Variants in DYSF observed in about 807,000 individuals in gnomAD.
DYSF encodes dysferlin, also known as dystrophy-associated fer-1-like 1.
DYSF carries 212 observed loss-of-function variants against 274.9 expected under a neutral mutation model. The ratio of observed to expected loss-of-function variants is 0.77; its 90% CI spans 0.69 to 0.86. The LOEUF is 0.86. Ranked by LOEUF, DYSF falls within the 40% of genes least tolerant of loss-of-function variation. DYSF has a pLI of 0.00. For missense variants in DYSF, 2,666 were observed against 2,783.2 expected (o/e 0.96, Z 0.95); for synonymous variants, 1,091 against 1,078.7 (o/e 1.01, Z -0.22).
At chr2:71,662,905 C>A (rs55952219) in intron 45 of DYSF, among the ~76,000 whole-genome samples, 3 of 24,102 alleles carry the variant, frequency 1.2e-4, no homozygotes, top group African/African-American at 2.6e-4. Flanking sequence ...CATTTGTGTG[C>A]CTGTGTGTGT....
chr2:71,642,996 G>T (rs2094509952), intron 41 of DYSF, among the ~76,000 whole-genome samples: 1 of 152,184 alleles, frequency 6.6e-6, no homozygotes, highest in Non-Finnish European at 1.5e-5. Context: ...CGTGTCCTTG[G>T]CCCTTCCCAC....
At chr2:71,535,505 G>A (rs965161497) in intron 16 of DYSF, among the ~76,000 whole-genome samples, 194 bp downstream of exon 16, 2 of 152,044 alleles carry the variant, frequency 1.3e-5, no homozygotes, top group Non-Finnish European at 2.9e-5. Flanking sequence ...CCTGCTTGTT[G>A]GGAGGTAGGC....
intron 1 of DYSF, among the ~76,000 whole-genome samples, chr2:71,456,151 TC>T (rs927555773): frequency 2.0e-4 from 31 of 152,024 alleles, no homozygotes; most frequent in South Asian, 2.1e-4. Context: ...GCCTGGCTCT[TC>T]GGGGTAGGCT....
chr2:71,462,725 C>T (rs1279823537), upstream of DYSF, among the ~76,000 whole-genome samples: 1 of 152,222 alleles, frequency 6.6e-6, no homozygotes, highest in Non-Finnish European at 1.5e-5. Context: ...TAGCTTTCAG[C>T]AGAGAGGAGA....
At chr2:71,528,459 G>A (rs1258184456) in intron 14 of DYSF, 58 bp downstream of exon 14, 2 of 1,440,246 alleles carry the variant, frequency 1.4e-6, no homozygotes, top group Non-Finnish European at 1.9e-6. Flanking sequence ...GTGCCCTGTG[G>A]ACTGTGCCGG....
chr2:71,455,710 G>A (rs1163312535), intron 1 of DYSF, among the ~76,000 whole-genome samples: 3 of 152,104 alleles, frequency 2.0e-5, no homozygotes, highest in Admixed American at 6.5e-5. Flanking sequence ...CTCCTCCCAC[G>A]CCAGCACCTC....
chr2:71,539,059 C>T (rs991938753), intron 16 of DYSF, 98 bp from the exon 17 acceptor site: 14 of 1,044,792 alleles, frequency 1.3e-5, no homozygotes, highest in African/African-American at 7.8e-5. Flanking sequence ...TGCCCCCCGC[C>T]CCCCTGTGAT....
At chr2:71,499,797 C>G (rs1433131272) in intron 3 of DYSF, among the ~76,000 whole-genome samples, 1 of 152,192 alleles carries the variant, frequency 6.6e-6, no homozygotes, top group Non-Finnish European at 1.5e-5. Context: ...CACAGCTAGC[C>G]AAGAGGTCTG....
chr2:71,568,171 G>T lies in DYSF; in HGVS notation c.2698-1G>T. On this transcript the variant is annotated splice_acceptor_variant, in intron 25 of 55. Transcript: ENST00000410020. LOFTEE classifies it high-confidence loss of function. ...ACGCCTCATTCTTCCTGGCCCTCCA[G>T]TATGAGAACGAGACTAAGTTGGCCC... 1 of 1,614,238 alleles carries T rather than the reference G, an allele frequency of 6.2e-7. No individual in the cohort carries two copies. Among genetic ancestry groups the T allele is most frequent in the East Asian group, 2.2e-5 (1 of 44,886 alleles).
At position 71,665,153 on chromosome 2, in the gene DYSF, G is replaced by T; in HGVS notation, c.5175-9G>T. On this transcript the variant is annotated splice_polypyrimidine_tract_variant and intron_variant, in intron 46 of 55. Transcript: ENST00000410020. ...AGCATCTCATCTATGTCTTGTGCTT[G>T]CTCCTCAGCTCTGGACCGAACCAGT... 3 of 1,613,488 alleles carry T rather than the reference G, an allele frequency of 1.9e-6. No homozygotes were observed. Among genetic ancestry groups the T allele is most frequent in the South Asian group, 1.1e-5 (1 of 91,056 alleles).
At chr2:71,686,330 C>A in intron 55 of DYSF, 124 bp from the exon 56 acceptor site, 5 of 1,241,810 alleles carry the variant, frequency 4.0e-6, no homozygotes, top group Non-Finnish European at 5.9e-6. Flanking sequence ...CGAGCGTCCT[C>A]TCCCAGCCTC....
intron 26 of DYSF, 48 bp downstream of exon 26, chr2:71,568,386 A>C: frequency 6.2e-7 from 1 of 1,606,400 alleles, no homozygotes; most frequent in Non-Finnish European, 8.5e-7. Flanking sequence ...CAGGCTGCCC[A>C]CCATGGACTG....
intron 17 of DYSF, among the ~76,000 whole-genome samples, chr2:71,543,683 A>T (rs531738158): frequency 1.3e-5 from 2 of 152,326 alleles, no homozygotes; most frequent in African/African-American, 4.8e-5. Flanking sequence ...AACACAGCGA[A>T]ACCCCATCTC....
At chr2:71,577,993 C>G (rs927374263) in intron 30 of DYSF, among the ~76,000 whole-genome samples, 1 of 152,178 alleles carries the variant, frequency 6.6e-6, no homozygotes, top group African/African-American at 2.4e-5. Flanking sequence ...GTGGACGGGT[C>G]ACTCATGCCA....
At chr2:71,606,694 G>T (rs2093654393) in intron 36 of DYSF, among the ~76,000 whole-genome samples, 1 of 152,186 alleles carries the variant, frequency 6.6e-6, no homozygotes, top group Non-Finnish European at 1.5e-5. Context: ...TGTAGACGGG[G>T]TTAAGAGAGT....
intron 4 of DYSF, among the ~76,000 whole-genome samples, chr2:71,504,607 T>C (rs527805708): frequency 2.0e-5 from 3 of 152,144 alleles, no homozygotes; most frequent in South Asian, 2.1e-4. Context: ...GGGACACAGA[T>C]GGAGGGATGA....
intron 41 of DYSF, among the ~76,000 whole-genome samples, chr2:71,630,193 A>G (rs2152907191): frequency 6.6e-6 from 1 of 152,372 alleles, no homozygotes; most frequent in Non-Finnish European, 1.5e-5. Flanking sequence ...CAAAAAGAAG[A>G]AGGAAATAGT....
At chr2:71,666,282 A>C (rs1274497708) in intron 47 of DYSF, among the ~76,000 whole-genome samples, 1 of 152,226 alleles carries the variant, frequency 6.6e-6, no homozygotes, top group East Asian at 1.9e-4. Flanking sequence ...GGTGAGGTCC[A>C]ACATCTGCCT....
At chr2:71,482,483 G>T (rs1239860611) in intron 3 of DYSF, among the ~76,000 whole-genome samples, 1 of 152,138 alleles carries the variant, frequency 6.6e-6, no homozygotes, top group East Asian at 1.9e-4. Flanking sequence ...AGCCCGGCCT[G>T]GGCGCTTCCC....
Sources: gnomAD v4.1 joint callset for allele counts (sites outside exome capture counted in the v4.1 genomes callset) on GRCh38, gnomAD v4.1.1 for gene constraint, MANE v1.5 for transcripts, NCBI Gene and HGNC (gene_info 2026-07-23, HGNC 2026-07-21) for gene names.